The following DHX38 variants were observed in gnomAD, a reference collection of about 807,000 sequenced individuals.
DHX38 encodes DEAH-box helicase 38, also known as pre-mRNA-splicing factor ATP-dependent RNA helicase PRP16.
A neutral mutation model predicts 153.1 loss-of-function variants in DHX38; 100 were observed. The ratio of observed to expected loss-of-function variants is 0.65; its 90% CI spans 0.56 to 0.77. The LOEUF (loss-of-function observed/expected upper bound fraction) is 0.77. Among genes scored for constraint, DHX38 ranks in the 30% least tolerant of loss-of-function variants. The pLI is 0.00. For synonymous variants in DHX38, 650 were observed against 631.7 expected (o/e 1.03, Z -0.43); for missense variants, 1,440 against 1,654.0 (o/e 0.87, Z 2.24).
chr16:72,106,061 C>T lies in DHX38; in HGVS notation c.2544C>T (p.Ala848=). ...TGCAGATCTATCCCATTAGCCAGGC[C>T]AATGCCAACCAGCGGTCAGGGCGAG... ...DALQIYPISQ[A]NANQRSGRAG... The change falls in exon 19 of 27, where the codon GCC becomes GCT. Residue 848 remains alanine, a synonymous_variant. Transcript: ENST00000268482. 1.9e-6 allele frequency: 3 copies of T among 1,614,228 alleles called. No individual in the cohort carries two copies. Among genetic ancestry groups the T allele is most frequent in the Non-Finnish European group, 2.5e-6 (3 of 1,180,044 alleles).
chr16:72,108,801 G>C lies in DHX38; in HGVS notation c.3257G>C (p.Gly1086Ala). The change falls in exon 24 of 27, where the codon GGA becomes GCA. Residue 1086 changes from glycine to alanine, a missense_variant and splice_region_variant. Physicochemically the swap from Gly to Ala is moderately conservative, Grantham distance 60. Transcript: ENST00000268482. Reference protein sequence around the residue: ...AYFHQAAKLKGIGEYVNIRTG... With the variant: ...AYFHQAAKLKAIGEYVNIRTG... Reference sequence around the variant, plus strand: ...CTGCCTGTTGTGTCTCCTCCCTAGGGAATCGGGGAGTACGTGAACATCCGC... The same window carrying C: ...CTGCCTGTTGTGTCTCCTCCCTAGGCAATCGGGGAGTACGTGAACATCCGC... 1 of 1,612,632 alleles carries C rather than the reference G, an allele frequency of 6.2e-7. No individual in the cohort carries two copies. Among genetic ancestry groups the C allele is most frequent in the Non-Finnish European group, 8.5e-7 (1 of 1,179,392 alleles).
chr16:72,105,068 C>T lies in DHX38; in HGVS notation c.2193C>T (p.Ser731=), dbSNP rs1467461487. 5.0e-6 allele frequency: 8 copies of T among 1,614,196 alleles called. No homozygotes were observed. Among genetic ancestry groups the T allele is most frequent in the Non-Finnish European group, 6.8e-6 (8 of 1,180,038 alleles). ...EDYVEAAVKQ[S]LQVHLSGAPG... is the part of the protein sequence containing the mutation. The stretch of plus-strand genomic sequence containing the variant: ...ACGTGGAGGCTGCAGTGAAGCAGTC[C>T]TTGCAGGTGCACCTGTCGGGGGCCC... The change falls in exon 16 of 27, where the codon TCC becomes TCT. Residue 731 remains serine, a synonymous_variant. Transcript: ENST00000268482.
At chr16:72,112,248 C>A in intron 26 of DHX38, 165 bp from the exon 27 acceptor site, 1 of 642,648 alleles carries the variant, frequency 1.6e-6, no homozygotes, top group Non-Finnish European at 2.7e-6. Context: ...GCCAGTCGAA[C>A]ATGGGGACGG....
chr16:72,101,665 A>T (rs903913822), intron 11 of DHX38, 53 bp downstream of exon 11: 2 of 1,474,760 alleles, frequency 1.4e-6, no homozygotes, highest in African/African-American at 2.8e-5. Flanking sequence ...ATGGGGGCCC[A>T]TGTGGGCAGT....
At position 72,100,370 on chromosome 16, in the gene DHX38, C is replaced by T. The variant is rs1190298651; in HGVS notation, c.1117-66C>T. On this transcript the variant is annotated intron_variant, in intron 8 of 26. Transcript: ENST00000268482. ...GTCAGGACTTGATGTGTGGACTTAC[C>T]TCATAACCTTTCAGGACGACCTTTG... 2.6e-6 allele frequency: 4 copies of T among 1,559,710 alleles called. No individual in the cohort carries two copies. In the African/African-American group the frequency reaches 5.4e-5, roughly 21 times the overall value.
At position 72,096,234 on chromosome 16, in the gene DHX38, T is replaced by C. The variant is rs766282512; in HGVS notation, c.77T>C (p.Ile26Thr). The C allele has an allele frequency of 1.3e-5, 21 of 1,614,196 alleles. No individual in the cohort carries two copies. Among genetic ancestry groups the C allele is most frequent in the East Asian group, 8.9e-5 (4 of 44,878 alleles). ...TDLDCQVGGL[I>T]CKSKSAASEQ... ...CTGGACTGTCAGGTTGGTGGTCTTA[T>C]TTGCAAGTCCAAAAGTGCGGCCAGC... The change falls in exon 2 of 27, where the codon ATT becomes ACT. Residue 26 changes from isoleucine to threonine, a missense_variant. By Grantham distance (89) the Ile-to-Thr change is moderately conservative. Transcript: ENST00000268482.
Position 72,112,485 on chromosome 16 carries a change from CT to C in DHX38, c.3675del (p.Phe1225LeufsTer26). On this transcript the variant is annotated frameshift_variant, in exon 27 of 27. Transcript: ENST00000268482. LOFTEE classifies it high-confidence loss of function. The stretch of plus-strand genomic sequence containing the variant: ...TGACCCCTCGCCGCACGCCAGCCCG[CT>C]TTGGTCTGTGAGCTGAGGCTGTCCC... ...PMTPRRTPAR[F>X]GL 1 of 1,612,260 alleles carries C rather than the reference CT, an allele frequency of 6.2e-7. No individual in the cohort carries two copies.
Position 72,093,939 on chromosome 16 carries a change from T to C in DHX38, c.-132T>C, listed in dbSNP as rs1159548308. Reference sequence around the variant, plus strand: ...CGCGCAAAGTATTAAGGGACAATAATGGCCGCTTTCAAGGTGTGGATTTTG... The same window carrying C: ...CGCGCAAAGTATTAAGGGACAATAACGGCCGCTTTCAAGGTGTGGATTTTG... On this transcript the variant is annotated 5_prime_UTR_variant, in exon 1 of 27. It removes an upstream start codon present in the reference 5' UTR. Coordinates refer to ENST00000268482, the MANE Select transcript of DHX38 (RefSeq NM_014003.4). 1 of 152,262 alleles carries C rather than the reference T, an allele frequency of 6.6e-6. No individual in the cohort carries two copies. Among genetic ancestry groups the C allele is most frequent in the East Asian group, 1.9e-4 (1 of 5,182 alleles). 9.4% of individuals were successfully genotyped at this position (152,262 alleles called of 1,614,324 possible). A position where few individuals can be genotyped will look rare whatever the true frequency, so the allele number is the denominator to read the frequency against.
intron 25 of DHX38, among the ~76,000 whole-genome samples, chr16:72,110,424 T>G (rs1278937945): frequency 6.6e-6 from 1 of 152,218 alleles, no homozygotes; most frequent in Non-Finnish European, 1.5e-5. Context: ...GATGGGAGGA[T>G]GGATGAGGGG....
At chr16:72,099,617 G>A in intron 7 of DHX38, 115 bp from the exon 8 acceptor site, 1 of 1,413,398 alleles carries the variant, frequency 7.1e-7, no homozygotes, top group Non-Finnish European at 9.6e-7. Context: ...CCCCTCACAA[G>A]GGTAGCTCCA....
In DHX38 at chr16:72,101,091, G is replaced by A. The variant is rs1211491792; in HGVS notation, c.1284G>A (p.Glu428=). ...CTTTCTCCCCACTGCTGCAGCCGGA[G>A]CCGGTGATTCCAGTGAAGGATGCTA... ...DGRIVFTKQP[E]PVIPVKDATS... is the part of the protein sequence containing the mutation. The change falls in exon 10 of 27, where the codon GAG becomes GAA. Residue 428 remains glutamate (E), a synonymous_variant. Coordinates refer to ENST00000268482, the MANE Select transcript of DHX38 (RefSeq NM_014003.4). 4 of 1,614,236 alleles carry A rather than the reference G, an allele frequency of 2.5e-6. No individual in the cohort carries two copies. The highest frequency in any genetic ancestry group is 1.1e-5 in the South Asian group (1 of 91,090).
At chr16:72,105,379 C>G in intron 17 of DHX38, 31 bp downstream of exon 17, 1 of 1,611,250 alleles carries the variant, frequency 6.2e-7, no homozygotes, top group Non-Finnish European at 8.5e-7. Context: ...AGGAGTGGCT[C>G]TTGGAGTTCT....
At chr16:72,110,893 C>T (rs908074976) in intron 25 of DHX38, 63 bp from the exon 26 acceptor site, 32 of 1,507,826 alleles carry the variant, frequency 2.1e-5, no homozygotes, top group African/African-American at 5.5e-5. Flanking sequence ...ACTTGGGTGC[C>T]GACGAGGCCT....
chr16:72,103,316 A>T, intron 12 of DHX38, 105 bp downstream of exon 12: 2 of 1,449,546 alleles, frequency 1.4e-6, no homozygotes. Context: ...CACCCAGTGG[A>T]GAAGGGAAAT....
Position 72,105,014 on chromosome 16 carries a change from A to G in DHX38, c.2152-13A>G. 6.2e-7 allele frequency: 1 copy of G among 1,612,810 alleles called. No individual in the cohort carries two copies. Among genetic ancestry groups the G allele is most frequent in the East Asian group, 2.2e-5 (1 of 44,848 alleles). On this transcript the variant is annotated splice_polypyrimidine_tract_variant and intron_variant, in intron 15 of 26. Coordinates refer to ENST00000268482, the MANE Select transcript of DHX38 (RefSeq NM_014003.4). ...AGTACCTCCCTCTGACTGTGTCCCC[A>G]CTGCTGTTGCAGACCCCACAGGAGG...
intron 1 of DHX38, among the ~76,000 whole-genome samples, chr16:72,094,661 G>A (rs2041982043): frequency 1.3e-5 from 2 of 152,196 alleles, no homozygotes; most frequent in African/African-American, 4.8e-5. Context: ...AGCAGCTAAT[G>A]AAGTTCTCTC....
chr16:72,100,312 C>T, intron 8 of DHX38, 124 bp from the exon 9 acceptor site: 1 of 1,314,012 alleles, frequency 7.6e-7, no homozygotes. Flanking sequence ...GGGTAGAGGC[C>T]TGTGACATCT....
chr16:72,103,149 C>A lies in DHX38; in HGVS notation c.1575C>A (p.Ile525=). 1 of 1,614,242 alleles carries A rather than the reference C, an allele frequency of 6.2e-7. No homozygotes were observed. The change falls in exon 12 of 27, where the codon ATC becomes ATA. Residue 525 remains isoleucine, a synonymous_variant. Coordinates refer to ENST00000268482, the MANE Select transcript of DHX38 (RefSeq NM_014003.4). ...GTGAATTTGCAAAGAAGAAGTCCAT[C>A]CTGGAGCAGAGGCAGTACCTGCCCA... ...ASSEFAKKKS[I]LEQRQYLPIF...
intron 10 of DHX38, 90 bp from the exon 11 acceptor site, chr16:72,101,410 C>T (rs559274580): frequency 1.4e-5 from 19 of 1,336,354 alleles, no homozygotes; most frequent in African/African-American, 8.7e-5. Context: ...TTACCACCTG[C>T]GGGGTGAAGT....
Sources: gnomAD v4.1 joint callset for allele counts (sites outside exome capture counted in the v4.1 genomes callset) on GRCh38, gnomAD v4.1.1 for gene constraint, MANE v1.5 for transcripts, NCBI Gene and HGNC (gene_info 2026-07-23, HGNC 2026-07-21) for gene names.